The following CAMK2N2 variants were observed in gnomAD, a reference collection of about 807,000 sequenced individuals.
CAMK2N2 encodes the protein calcium/calmodulin dependent protein kinase II inhibitor 2, also known as calcium/calmodulin-dependent protein kinase II inhibitor 2.
CAMK2N2 carries 3 observed loss-of-function variants against 7.8 expected under a neutral mutation model. The ratio of observed to expected loss-of-function variants is 0.38; its 90% confidence interval spans 0.18 to 0.99. The LOEUF (loss-of-function observed/expected upper bound fraction) is 0.99. Among genes scored for constraint, CAMK2N2 ranks in the 50% least tolerant of loss-of-function variants. The pLI is 0.37. For missense variants in CAMK2N2, 85 were observed against 108.4 expected (o/e 0.78, Z 0.96); for synonymous variants, 45 against 46.6 (o/e 0.97, Z 0.14).
Position 184,261,045 on chromosome 3 carries a change from G to A in CAMK2N2, c.169+72C>T, listed in dbSNP as rs997423064. On this transcript the variant is annotated intron_variant, in intron 1 of 1. Coordinates refer to ENST00000296238, the MANE Select transcript of CAMK2N2 (RefSeq NM_033259.3). The surrounding 1 kb of genome is among the most constrained non-coding windows in gnomAD (Gnocchi z 5.1). ...GGCAAGAGCTGCGGGCACTCGGCGG[G>A]GAACGGCAGCCGGGGGGCGCCCGGC... is the stretch of plus-strand genomic sequence containing the variant. The A allele has an allele frequency of 2.0e-6, 3 of 1,463,418 alleles. No individual in the cohort carries two copies. The highest frequency in any genetic ancestry group is 2.7e-6 in the Non-Finnish European group (3 of 1,111,240). 90.7% of individuals were successfully genotyped at this position (1,463,418 alleles called of 1,614,324 possible). A position where few individuals can be genotyped will look rare whatever the true frequency, so the allele number is the denominator to read the frequency against.
Position 184,260,290 on chromosome 3 carries a change from C to G in CAMK2N2, c.170-63G>C. On this transcript the variant is annotated intron_variant, in intron 1 of 1. Transcript: ENST00000296238. This position sits in a 1 kb window ranked among gnomAD's most constrained non-coding sequence, Gnocchi z 6.6. ...GGGGGCGGCGGCGATGAGAATGAGCCCCGCGTCCTAGCTTCCCGCGCAGCT... is the reference window on the plus strand; with the variant it reads ...GGGGGCGGCGGCGATGAGAATGAGCGCCGCGTCCTAGCTTCCCGCGCAGCT... The G allele has an allele frequency of 1.3e-6, 2 of 1,508,312 alleles. No individual in the cohort carries two copies. Among genetic ancestry groups the G allele is most frequent in the Non-Finnish European group, 1.8e-6 (2 of 1,094,690 alleles). 93.4% of individuals were successfully genotyped at this position (1,508,312 alleles called of 1,614,324 possible). A position where few individuals can be genotyped will look rare whatever the true frequency, so the allele number is the denominator to read the frequency against.
At position 184,261,199 on chromosome 3, in the gene CAMK2N2, G is replaced by A. The variant is rs567283803; in HGVS notation, c.87C>T (p.Arg29=). ...CGAAGAAGGAGTTGGTGTCCTGCAG[G>A]CGGCAGCTGAAGGAGAGGTCGGAGC... ...PEGSDLSFSC[R]LQDTNSFFAG... The change falls in exon 1 of 2, where the codon CGC becomes CGT. Residue 29 remains arginine, a synonymous_variant. Transcript: ENST00000296238. The surrounding 1 kb of genome is among the most constrained non-coding windows in gnomAD (Gnocchi z 5.1). The A allele has an allele frequency of 6.2e-7, 1 of 1,608,482 alleles. No homozygotes were observed. The highest frequency in any genetic ancestry group is 2.3e-5 in the East Asian group (1 of 44,068).
Position 184,259,316 on chromosome 3 carries a change from TG to T in CAMK2N2, c.*840del, listed in dbSNP as rs1719944463. The T allele has an allele frequency of 6.6e-6, 1 of 152,670 alleles. No homozygotes were observed. The highest frequency in any genetic ancestry group is 2.4e-5 in the African/African-American group (1 of 41,428). The allele number at this position is 152,670 out of a possible 1,614,324, so 9.5% of individuals were successfully genotyped here. A position where few individuals can be genotyped will look rare whatever the true frequency, so the allele number is the denominator to read the frequency against. On this transcript the variant is annotated 3_prime_UTR_variant, in exon 2 of 2. Transcript: ENST00000296238. Reference sequence around the variant, plus strand: ...TTGAGAACATCTCCGGGGCCACAGATGTCATCCAAAGGTTCAGAGCAGTCCC... The same window carrying T: ...TTGAGAACATCTCCGGGGCCACAGATTCATCCAAAGGTTCAGAGCAGTCCC...
Position 184,260,749 on chromosome 3 carries a change from C to T in CAMK2N2, c.169+368G>A, listed in dbSNP as rs1336504175. ...TCCTGCCCTCTCTTGTTAGACGTCC[C>T]TCTCGACCCGAAGGTTCTTCGTATT... is the stretch of plus-strand genomic sequence containing the variant. On this transcript the variant is annotated intron_variant, in intron 1 of 1. Transcript: ENST00000296238. The surrounding 1 kb of genome is among the most constrained non-coding windows in gnomAD (Gnocchi z 6.6). Among the ~76,000 whole-genome samples, 1 of 152,232 alleles carries T rather than the reference C, an allele frequency of 6.6e-6. No individual in the cohort carries two copies. Among genetic ancestry groups the T allele is most frequent in the African/African-American group, 2.4e-5 (1 of 41,458 alleles).
At position 184,259,286 on chromosome 3, in the gene CAMK2N2, C is replaced by T. The variant is rs1040006143; in HGVS notation, c.*871G>A. On this transcript the variant is annotated 3_prime_UTR_variant, in exon 2 of 2. Coordinates refer to ENST00000296238, the MANE Select transcript of CAMK2N2 (RefSeq NM_033259.3). Reference sequence around the variant, plus strand: ...GGAGGAACATTTACGAAGGGCACCCCTGGGTTGAGAACATCTCCGGGGCCA... The same window carrying T: ...GGAGGAACATTTACGAAGGGCACCCTTGGGTTGAGAACATCTCCGGGGCCA... 2 of 152,806 alleles carry T rather than the reference C, an allele frequency of 1.3e-5. No individual in the cohort carries two copies. The highest frequency in any genetic ancestry group is 4.8e-5 in the African/African-American group (2 of 41,460). 9.5% of individuals were successfully genotyped at this position (152,806 alleles called of 1,614,324 possible).
chr3:184,260,142 C>T lies in CAMK2N2; in HGVS notation c.*15G>A, dbSNP rs751527240. 1.9e-4 allele frequency: 294 copies of T among 1,519,092 alleles called. No homozygotes were observed. Among genetic ancestry groups the T allele is most frequent in the Non-Finnish European group, 2.5e-4 (285 of 1,128,082 alleles). 94.1% of individuals were successfully genotyped at this position (1,519,092 alleles called of 1,614,324 possible). On this transcript the variant is annotated 3_prime_UTR_variant, in exon 2 of 2. Transcript: ENST00000296238. The surrounding 1 kb of genome is among the most constrained non-coding windows in gnomAD (Gnocchi z 6.6). ...GCGAGGCTGGGCCCGGAGCCCGCCG[C>T]CCGAGCCGGCGCGTCTACACTCCGG...
At position 184,261,220 on chromosome 3, in the gene CAMK2N2, G is replaced by A. The variant is rs748916497; in HGVS notation, c.66C>T (p.Ser22=). Residue 22 remains serine, a synonymous_variant, in exon 1 of 2, where the codon TCC becomes TCT. Coordinates refer to ENST00000296238, the MANE Select transcript of CAMK2N2 (RefSeq NM_033259.3). This position sits in a 1 kb window ranked among gnomAD's most constrained non-coding sequence, Gnocchi z 5.1. ...MGRFGADPEG[S]DLSFSCRLQD... is the part of the protein sequence containing the mutation. ...GCAGGCGGCAGCTGAAGGAGAGGTCGGAGCCCTCGGGGTCTGCGCCGAAGC... is the reference window on the plus strand; with the variant it reads ...GCAGGCGGCAGCTGAAGGAGAGGTCAGAGCCCTCGGGGTCTGCGCCGAAGC... 10 of 1,606,840 alleles carry A rather than the reference G, an allele frequency of 6.2e-6. No homozygotes were observed. The African/African-American group carries it at 8.2e-5, about 13-fold the overall frequency.
Position 184,260,643 on chromosome 3 carries a change from C to T in CAMK2N2, c.170-416G>A, listed in dbSNP as rs778618916. On this transcript the variant is annotated intron_variant, in intron 1 of 1. Transcript: ENST00000296238. The surrounding 1 kb of genome is among the most constrained non-coding windows in gnomAD (Gnocchi z 6.6). ...CTCTCCTCAACCTGAGCCCTCTCGC[C>T]GCTGGAACCCCTCTTCCGATCCTGG... Among the ~76,000 whole-genome samples the T allele has an allele frequency of 5.3e-5, 8 of 152,184 alleles. No homozygotes were observed.
chr3:184,260,263 CG>C lies in CAMK2N2; in HGVS notation c.170-37del, dbSNP rs569406055. On this transcript the variant is annotated intron_variant, in intron 1 of 1. Coordinates refer to ENST00000296238, the MANE Select transcript of CAMK2N2 (RefSeq NM_033259.3). This position sits in a 1 kb window ranked among gnomAD's most constrained non-coding sequence, Gnocchi z 6.6. ...AGAAAGCGCGTCAGCCGCGCGGCCT[CG>C]GGGGGCGGCGGCGATGAGAATGAGC... 173 of 1,593,586 alleles carry C rather than the reference CG, an allele frequency of 1.1e-4. No individual in the cohort carries two copies. In the African/African-American group the frequency reaches 2.1e-3, roughly 20 times the overall value.
rs973297713 is a variant in CAMK2N2, at chr3:184,261,353, C to T, written c.-68G>A. 4.6e-6 allele frequency: 6 copies of T among 1,294,594 alleles called. No individual in the cohort carries two copies. The African/African-American group carries it at 7.9e-5, about 17-fold the overall frequency. The allele number at this position is 1,294,594 out of a possible 1,614,324, so 80.2% of individuals were successfully genotyped here. On this transcript the variant is annotated 5_prime_UTR_variant, in exon 1 of 2. Coordinates refer to ENST00000296238, the MANE Select transcript of CAMK2N2 (RefSeq NM_033259.3). This position sits in a 1 kb window ranked among gnomAD's most constrained non-coding sequence, Gnocchi z 5.1. ...GGGGCGCGGGCGGCGGGCTTGCTGC[C>T]GGACCGGCCCTACCTCAGCAGGGGA... is the stretch of plus-strand genomic sequence containing the variant.
chr3:184,260,073 G>T lies in CAMK2N2; in HGVS notation c.*84C>A, dbSNP rs1349933490. On this transcript the variant is annotated 3_prime_UTR_variant, in exon 2 of 2. Transcript: ENST00000296238. The surrounding 1 kb of genome is among the most constrained non-coding windows in gnomAD (Gnocchi z 6.6). Reference sequence around the variant, plus strand: ...CCCGCGGGCGCCTGGGCCGGGGCGGGGGGGCGCCGGCAGCCGCATCGCCGG... The same window carrying T: ...CCCGCGGGCGCCTGGGCCGGGGCGGTGGGGCGCCGGCAGCCGCATCGCCGG... The T allele has an allele frequency of 1.3e-6, 1 of 774,342 alleles. No individual in the cohort carries two copies. Among genetic ancestry groups the T allele is most frequent in the Non-Finnish European group, 1.6e-6 (1 of 638,672 alleles). The allele number at this position is 774,342 out of a possible 1,614,324, so 48.0% of individuals were successfully genotyped here.
Position 184,260,154 on chromosome 3 carries a change from C to G in CAMK2N2, c.*3G>C. The G allele has an allele frequency of 1.3e-6, 2 of 1,588,142 alleles. No individual in the cohort carries two copies. Among genetic ancestry groups the G allele is most frequent in the Non-Finnish European group, 1.7e-6 (2 of 1,166,306 alleles). The stretch of plus-strand genomic sequence containing the variant: ...CCGGAGCCCGCCGCCCGAGCCGGCG[C>G]GTCTACACTCCGGACGGCGGCTTCT... On this transcript the variant is annotated 3_prime_UTR_variant, in exon 2 of 2. Coordinates refer to ENST00000296238, the MANE Select transcript of CAMK2N2 (RefSeq NM_033259.3). The surrounding 1 kb of genome is among the most constrained non-coding windows in gnomAD (Gnocchi z 6.6).
At position 184,260,036 on chromosome 3, in the gene CAMK2N2, C is replaced by A. The variant is rs1719981649; in HGVS notation, c.*121G>T. 2.9e-6 allele frequency: 1 copy of A among 348,776 alleles called. No homozygotes were observed. Among genetic ancestry groups the A allele is most frequent in the Non-Finnish European group, 4.0e-6 (1 of 251,396 alleles). The allele number at this position is 348,776 out of a possible 1,614,324, so 21.6% of individuals were successfully genotyped here. A position where few individuals can be genotyped will look rare whatever the true frequency, so the allele number is the denominator to read the frequency against. ...GCCTGGCGGCGGCGGCGGCACGGCC[C>A]TGCAGCCCCCGCCCGCGGGCGCCTG... is the stretch of plus-strand genomic sequence containing the variant. On this transcript the variant is annotated 3_prime_UTR_variant, in exon 2 of 2. Coordinates refer to ENST00000296238, the MANE Select transcript of CAMK2N2 (RefSeq NM_033259.3). This position sits in a 1 kb window ranked among gnomAD's most constrained non-coding sequence, Gnocchi z 6.6.
rs1053040629 is a variant in CAMK2N2 at position 184,261,213 on chromosome 3, A to G, written c.73T>C (p.Ser25Pro). 1 of 1,607,236 alleles carries G rather than the reference A, an allele frequency of 6.2e-7. No individual in the cohort carries two copies. The highest frequency in any genetic ancestry group is 1.1e-5 in the South Asian group (1 of 90,674). The change falls in exon 1 of 2, where the codon TCC becomes CCC. Residue 25 changes from serine (S) to proline (P), a missense_variant. Ser to Pro is a moderately conservative substitution (Grantham distance 74). Transcript: ENST00000296238. This position sits in a 1 kb window ranked among gnomAD's most constrained non-coding sequence, Gnocchi z 5.1. ...FGADPEGSDLSFSCRLQDTNS... is the reference protein window; with the variant it reads ...FGADPEGSDLPFSCRLQDTNS... ...GTGTCCTGCAGGCGGCAGCTGAAGG[A>G]GAGGTCGGAGCCCTCGGGGTCTGCG...
Position 184,260,452 on chromosome 3 carries a change from G to A in CAMK2N2, c.170-225C>T, listed in dbSNP as rs538544793. 2.8e-3 allele frequency among the ~76,000 whole-genome samples: 433 copies of A among 152,232 alleles called. 2 individuals are homozygous for A. Among genetic ancestry groups the A allele is most frequent in the Middle Eastern group, 6.8e-3 (2 of 294 alleles). ...ATGGCGGAACGCCCCTCTTCCAAAG[G>A]CTCCAGCTATTCTCCCTCCCAGTGC... On this transcript the variant is annotated intron_variant, in intron 1 of 1. Transcript: ENST00000296238. The surrounding 1 kb of genome is among the most constrained non-coding windows in gnomAD (Gnocchi z 6.6).
At position 184,261,378 on chromosome 3, in the gene CAMK2N2, A is replaced by G; in HGVS notation, c.-93T>C. The G allele has an allele frequency of 9.2e-7, 1 of 1,088,330 alleles. No homozygotes were observed. Among genetic ancestry groups the G allele is most frequent in the Admixed American group, 4.4e-5 (1 of 22,912 alleles). The allele number at this position is 1,088,330 out of a possible 1,614,324, so 67.4% of individuals were successfully genotyped here. A position where few individuals can be genotyped will look rare whatever the true frequency, so the allele number is the denominator to read the frequency against. Reference sequence around the variant, plus strand: ...CGGACCGGCCCTACCTCAGCAGGGGAGCCGGCGGAAGGATGAAGTCATGCA... The same window carrying G: ...CGGACCGGCCCTACCTCAGCAGGGGGGCCGGCGGAAGGATGAAGTCATGCA... On this transcript the variant is annotated 5_prime_UTR_variant, in exon 1 of 2. Coordinates refer to ENST00000296238, the MANE Select transcript of CAMK2N2 (RefSeq NM_033259.3). The surrounding 1 kb of genome is among the most constrained non-coding windows in gnomAD (Gnocchi z 5.1).
rs373116496 is a variant in CAMK2N2, at chr3:184,260,337, C to A, written c.170-110G>T. ...AGCTACTGCCCGTGGCCCAGCGACG[C>A]CCCTCGGAACCCTGTGCCGCGGTGT... On this transcript the variant is annotated intron_variant, in intron 1 of 1. Transcript: ENST00000296238. The surrounding 1 kb of genome is among the most constrained non-coding windows in gnomAD (Gnocchi z 6.6). The A allele has an allele frequency of 3.5e-4, 336 of 965,030 alleles. 2 individuals are homozygous for A. The Middle Eastern group carries it at 5.8e-3, about 17-fold the overall frequency. The allele number at this position is 965,030 out of a possible 1,614,324, so 59.8% of individuals were successfully genotyped here. A position where few individuals can be genotyped will look rare whatever the true frequency, so the allele number is the denominator to read the frequency against.
chr3:184,261,298 G>T lies in CAMK2N2; in HGVS notation c.-13C>A. 1 of 1,506,954 alleles carries T rather than the reference G, an allele frequency of 6.6e-7. No individual in the cohort carries two copies. 93.3% of individuals were successfully genotyped at this position (1,506,954 alleles called of 1,614,324 possible). ...GGATCTCGGACATGGCGGGCGCGGG[G>T]TGGGCGCGGGGCGGGAGCGGGACTG... On this transcript the variant is annotated 5_prime_UTR_variant, in exon 1 of 2. Transcript: ENST00000296238. The surrounding 1 kb of genome is among the most constrained non-coding windows in gnomAD (Gnocchi z 5.1).
chr3:184,260,574 C>T lies in CAMK2N2; in HGVS notation c.170-347G>A, dbSNP rs1720007980. The stretch of plus-strand genomic sequence containing the variant: ...TTCAACCCGCACTTCAACAGATCCC[C>T]CTGCTCAAATGGGGCTCAAACCGAG... On this transcript the variant is annotated intron_variant, in intron 1 of 1. Coordinates refer to ENST00000296238, the MANE Select transcript of CAMK2N2 (RefSeq NM_033259.3). The surrounding 1 kb of genome is among the most constrained non-coding windows in gnomAD (Gnocchi z 6.6). 6.6e-6 allele frequency among the ~76,000 whole-genome samples: 1 copy of T among 152,206 alleles called. No individual in the cohort carries two copies. The highest frequency in any genetic ancestry group is 1.5e-5 in the Non-Finnish European group (1 of 68,042).
Sources: allele counts gnomAD v4.1 joint callset (sites outside exome capture counted in the v4.1 genomes callset), GRCh38; gene constraint gnomAD v4.1.1; non-coding constraint Gnocchi (gnomAD v3.1); transcripts MANE v1.5; gene names NCBI Gene and HGNC (gene_info 2026-07-23, HGNC 2026-07-21).